PTMA: variants seen among roughly 807,000 people sequenced by gnomAD.
The protein encoded by PTMA is prothymosin alpha, also known as gene sequence 28.
PTMA carries 4 observed loss-of-function variants against 16.9 expected under a neutral mutation model. That is an observed-to-expected ratio of 0.24 (90% confidence interval 0.12 to 0.54). PTMA has a LOEUF of 0.54. Among genes scored for constraint, PTMA ranks in the 20% least tolerant of loss-of-function variants. The pLI is 0.95. For missense variants in PTMA, 120 were observed against 137.7 expected, an observed-to-expected ratio of 0.87 and a Z score of 0.64; for synonymous variants, 58 against 47.9, an observed-to-expected ratio of 1.21 and a Z score of -0.87.
At chr2:231,708,965 A>G (rs2048476749) in intron 1 of PTMA, among the ~76,000 whole-genome samples, 1 of 151,920 alleles carries the variant, frequency 6.6e-6, no homozygotes, top group Admixed American at 6.5e-5. Context: ...CCCGTCGGGG[A>G]GTGGGCCGGG....
At chr2:231,711,083 G>C (rs1247173220) in intron 1 of PTMA, 1 of 344,060 alleles carries the variant, frequency 2.9e-6, no homozygotes. Flanking sequence ...CCTGGGAAGC[G>C]CCAGGGGGCA....
rs1559287733 is a variant in PTMA, at chr2:231,711,357, G to A, written c.55G>A (p.Glu19Lys). The A allele has an allele frequency of 1.9e-6, 3 of 1,613,896 alleles. No homozygotes were observed. The highest frequency in any genetic ancestry group is 1.7e-6 in the Non-Finnish European group (2 of 1,179,874). The change falls in exon 2 of 5, where the codon GAG (glutamate) becomes AAG (lysine). Residue 19 changes from glutamate (E) to lysine (K), a missense_variant. Glu to Lys is a moderately conservative substitution (Grantham distance 56, BLOSUM62 1). Transcript: ENST00000409115. The part of the protein sequence containing the change: ...SSEITTKDLK[E>K]KKEVVEEAEN... ...TTCTTCCCTTTTGAAGGACTTAAAG[G>A]AGAAGAAGGAAGTTGTGGAAGAGGC...
At position 231,713,220 on chromosome 2, in the gene PTMA, C is replaced by T; in HGVS notation, c.*369C>T. On this transcript the variant is annotated 3_prime_UTR_variant, in exon 5 of 5. Transcript: ENST00000409115. ...AGCCTTCGGAGCGTTCTCTGTCCTA[C>T]TTCTGACTTTACTTGTGGTGTGACC... 1 of 469,188 alleles carries T rather than the reference C, an allele frequency of 2.1e-6. No homozygotes were observed. The allele number at this position is 469,188 out of a possible 1,614,324, so 29.1% of individuals were successfully genotyped here.
intron 1 of PTMA, among the ~76,000 whole-genome samples, chr2:231,710,943 C>T (rs1228799427): frequency 6.6e-6 from 1 of 152,274 alleles, no homozygotes; most frequent in Non-Finnish European, 1.5e-5. Flanking sequence ...GGAACATAAC[C>T]TGCCGCCTTT....
intron 3 of PTMA, 127 bp downstream of exon 3, chr2:231,712,110 G>A (rs1252701332): frequency 4.7e-6 from 7 of 1,492,660 alleles, no homozygotes; most frequent in Non-Finnish European, 6.3e-6. Context: ...GGACCACATG[G>A]CCCTGGGCAC....
At chr2:231,709,360 G>A (rs2048485826) in intron 1 of PTMA, among the ~76,000 whole-genome samples, 1 of 152,162 alleles carries the variant, frequency 6.6e-6, no homozygotes, top group South Asian at 2.1e-4. Context: ...GGGCTTATCC[G>A]CTTTGGGCGC....
chr2:231,711,817 C>G (rs1480448078), intron 2 of PTMA, 73 bp from the exon 3 acceptor site: 1 of 1,577,484 alleles, frequency 6.3e-7, no homozygotes, highest in African/African-American at 1.4e-5. Context: ...GGTGGGAGGC[C>G]GGGCATCAGG....
intron 1 of PTMA, 111 bp from the exon 2 acceptor site, chr2:231,711,235 CTT>C: frequency 4.7e-6 from 4 of 853,858 alleles, no homozygotes; most frequent in Non-Finnish European, 7.6e-6. Flanking sequence ...ACATGCGACT[CTT>C]AATTTGGGAC....
intron 1 of PTMA, among the ~76,000 whole-genome samples, chr2:231,709,054 G>A (rs1575348877): frequency 1.3e-5 from 2 of 152,294 alleles, no homozygotes; most frequent in South Asian, 4.1e-4. Flanking sequence ...ATGAGTGGCG[G>A]CGGGAGGAGA....
At chr2:231,710,549 C>T (rs577314285) in intron 1 of PTMA, 2 of 644,852 alleles carry the variant, frequency 3.1e-6, no homozygotes, top group East Asian at 8.0e-5. Context: ...CGGACAGCGG[C>T]CGAGGGGTTC....
In PTMA at chr2:231,710,319, C is replaced by T. The variant is rs1029656302; in HGVS notation, c.46-1029C>T. The T allele has an allele frequency of 4.3e-5, 53 of 1,236,828 alleles. No homozygotes were observed. The South Asian group carries it at 4.6e-4, about 11-fold the overall frequency. The allele number at this position is 1,236,828 out of a possible 1,614,324, so 76.6% of individuals were successfully genotyped here. A position where few individuals can be genotyped will look rare whatever the true frequency, so the allele number is the denominator to read the frequency against. ...TCTCCAAGGCAAGGGACGCACTCGGCGGCCCCGGGCCACGTGCTCCCTGCG... is the reference window on the plus strand; with the variant it reads ...TCTCCAAGGCAAGGGACGCACTCGGTGGCCCCGGGCCACGTGCTCCCTGCG... On this transcript the variant is annotated intron_variant, in intron 1 of 4. Coordinates refer to ENST00000409115, the MANE Select transcript of PTMA (RefSeq NM_002823.5).
intron 1 of PTMA, chr2:231,710,313 A>C (rs1298995044): frequency 1.6e-6 from 2 of 1,245,244 alleles, no homozygotes; most frequent in Admixed American, 4.1e-5. Flanking sequence ...CAAGGGACGC[A>C]CTCGGCGGCC....
chr2:231,710,373 A>C (rs2048501591), intron 1 of PTMA: 8 of 1,192,534 alleles, frequency 6.7e-6, no homozygotes, highest in Non-Finnish European at 8.3e-6. Context: ...CCGCGCGCAA[A>C]GCCCGCCGGG....
chr2:231,709,555 C>G (rs62197230), intron 1 of PTMA, among the ~76,000 whole-genome samples: 3,433 of 152,254 alleles, frequency 0.023, 67 homozygotes, highest in South Asian at 0.055. Context: ...TGCCCGGGAG[C>G]ACCGTGTGCG....
At chr2:231,711,126 C>A (rs1357790204) in intron 1 of PTMA, 3 of 441,770 alleles carry the variant, frequency 6.8e-6, no homozygotes, top group Non-Finnish European at 1.2e-5. Flanking sequence ...CTGTAGCGGG[C>A]CTTAAAGGAT....
chr2:231,710,014 C>CTT lies in PTMA; in HGVS notation c.45+1263_45+1264insTT, dbSNP rs1159642250. On this transcript the variant is annotated intron_variant, in intron 1 of 4. Transcript: ENST00000409115. The stretch of plus-strand genomic sequence containing the variant: ...GGAATGAGTTTGTGGGGTGAGAACA[C>CTT]CGTCCCCAGTGCGGGGCCTGGCTGT... 3 of 1,156,232 alleles carry CTT rather than the reference C, an allele frequency of 2.6e-6. No homozygotes were observed. The African/African-American group carries it at 4.8e-5, about 18-fold the overall frequency. 71.6% of individuals were successfully genotyped at this position (1,156,232 alleles called of 1,614,324 possible).
chr2:231,710,433 C>T (rs909920465), intron 1 of PTMA: 15 of 1,146,774 alleles, frequency 1.3e-5, no homozygotes, highest in African/African-American at 1.7e-5. Context: ...CACTGCTCCC[C>T]GGGGCTTCGG....
intron 1 of PTMA, chr2:231,711,127 C>T: frequency 2.2e-6 from 1 of 444,856 alleles, no homozygotes; most frequent in Non-Finnish European, 4.0e-6. Flanking sequence ...TGTAGCGGGC[C>T]TTAAAGGATG....
At chr2:231,710,583 CTG>C (rs2048505262) in intron 1 of PTMA, 1 of 519,472 alleles carries the variant, frequency 1.9e-6, no homozygotes, top group Admixed American at 2.4e-5. Flanking sequence ...CGCCGGACCT[CTG>C]TTGGTATTGG....
Sources: allele counts gnomAD v4.1 joint callset (sites outside exome capture counted in the v4.1 genomes callset), GRCh38; gene constraint gnomAD v4.1.1; transcripts MANE v1.5; gene names NCBI Gene and HGNC (gene_info 2026-07-23, HGNC 2026-07-21).